CROT: variants seen among roughly 807,000 people sequenced by gnomAD.
CROT encodes carnitine O-octanoyltransferase, also known as peroxisomal carnitine O-octanoyltransferase.
In CROT, 84 loss-of-function variants were observed where a neutral mutation model predicts 89.2. The ratio of observed to expected loss-of-function variants is 0.94; its 90% CI spans 0.79 to 1.13. The LOEUF (loss-of-function observed/expected upper bound fraction) is 1.13. Among genes scored for constraint, CROT ranks in the 50% most tolerant of loss-of-function variants. The probability of loss-of-function intolerance (pLI) is 0.00; values close to 1 mark genes in which losing one functional copy is unlikely to be tolerated. For synonymous variants in CROT, 212 were observed against 239.5 expected, an observed-to-expected ratio of 0.89 and a Z score of 1.06; for missense variants, 711 against 727.8, an observed-to-expected ratio of 0.98 and a Z score of 0.27.
chr7:87,377,353 T>C lies in CROT; in HGVS notation c.881T>C (p.Ile294Thr). 1 of 1,591,294 alleles carries C rather than the reference T, an allele frequency of 6.3e-7. No homozygotes were observed. The highest frequency in any genetic ancestry group is 8.6e-7 in the Non-Finnish European group (1 of 1,165,228). ...HVTPEDYSEI[I>T]AAILIGDPTV... The stretch of plus-strand genomic sequence containing the variant: ...GAAAAATTAAATTTATTTTAGATTA[T>C]TGCAGCCATCCTTATTGGAGATCCA... Residue 294 changes from isoleucine (I) to threonine (T), a missense_variant, in exon 10 of 18, where the codon ATT (isoleucine) becomes ACT (threonine). Transcript: ENST00000331536.
At chr7:87,382,386 C>A in intron 12 of CROT, 27 bp from the exon 13 acceptor site, 2 of 1,602,044 alleles carry the variant, frequency 1.2e-6, no homozygotes, top group East Asian at 2.2e-5. Context: ...TGATTTTTCA[C>A]CGTTCTCATT....
Position 87,369,423 on chromosome 7 carries a change from C to G in CROT, c.595C>G (p.Arg199Gly), listed in dbSNP as rs764310325. 9.3e-6 allele frequency: 15 copies of G among 1,613,056 alleles called. No homozygotes were observed. Among genetic ancestry groups the G allele is most frequent in the Non-Finnish European group, 1.2e-5 (14 of 1,179,534 alleles). The change falls in exon 7 of 18, where the codon CGA (arginine) becomes GGA (glycine). Residue 199 changes from arginine (R) to glycine (G), a missense_variant. Physicochemically the swap from Arg to Gly is moderately radical, Grantham distance 125. Coordinates refer to ENST00000331536, the MANE Select transcript of CROT (RefSeq NM_021151.4). Reference sequence around the variant, plus strand: ...CCACATTGTAGTGCTGTGTCGAGGCCGAGCTTTTGTCTTTGATGTAATACA... The same window carrying G: ...CCACATTGTAGTGCTGTGTCGAGGCGGAGCTTTTGTCTTTGATGTAATACA... ...PNHIVVLCRG[R>G]AFVFDVIHEG...
intron 6 of CROT, among the ~76,000 whole-genome samples, chr7:87,364,738 T>G (rs565576032): frequency 3.3e-5 from 5 of 151,902 alleles, no homozygotes; most frequent in Admixed American, 2.0e-4. Flanking sequence ...GCCAAGAGGA[T>G]CAAGAGCAGA....
intron 7 of CROT, 128 bp from the exon 8 acceptor site, chr7:87,375,504 T>C: frequency 1.7e-6 from 1 of 603,080 alleles, no homozygotes; most frequent in Admixed American, 3.3e-5. Flanking sequence ...TCTATTGGCA[T>C]CATAAGTGGT....
At chr7:87,382,885 G>A (rs1408815552) in intron 13 of CROT, among the ~76,000 whole-genome samples, 1 of 152,138 alleles carries the variant, frequency 6.6e-6, no homozygotes, top group African/African-American at 2.4e-5. Flanking sequence ...AAATTATCCA[G>A]CCTTTACTCA....
chr7:87,374,724 T>C (rs1183009544), intron 7 of CROT, among the ~76,000 whole-genome samples: 1 of 152,050 alleles, frequency 6.6e-6, no homozygotes, highest in Non-Finnish European at 1.5e-5. Flanking sequence ...TATTTCTTTA[T>C]CAGTGTTACA....
chr7:87,393,663 G>A (rs914922358), intron 17 of CROT, among the ~76,000 whole-genome samples: 10 of 152,106 alleles, frequency 6.6e-5, no homozygotes, highest in Admixed American at 5.9e-4. Flanking sequence ...CTTTACAGGG[G>A]CTTTTCAAAG....
chr7:87,393,120 C>G, intron 17 of CROT, 53 bp downstream of exon 17: 1 of 1,567,604 alleles, frequency 6.4e-7, no homozygotes, highest in Non-Finnish European at 8.6e-7. Context: ...AAAGGTATTA[C>G]TTTTGTTTTT....
intron 10 of CROT, among the ~76,000 whole-genome samples, chr7:87,381,353 C>T (rs969826258): frequency 5.9e-5 from 9 of 152,120 alleles, no homozygotes; most frequent in South Asian, 2.1e-4. Context: ...GAAACAGCCC[C>T]GTAACACCCA....
intron 5 of CROT, 48 bp from the exon 6 acceptor site, chr7:87,361,679 GT>G: frequency 6.5e-7 from 1 of 1,539,794 alleles, no homozygotes; most frequent in East Asian, 2.3e-5. Context: ...GTTGTGGCTG[GT>G]TTTTAAATTT....
intron 10 of CROT, 140 bp from the exon 11 acceptor site, chr7:87,381,770 T>C: frequency 1.7e-6 from 1 of 573,602 alleles, no homozygotes; most frequent in Non-Finnish European, 3.0e-6. Flanking sequence ...TTCTATCTTA[T>C]CATATCCTCA....
At chr7:87,397,364 G>A (rs1405811988) in intron 17 of CROT, among the ~76,000 whole-genome samples, 3 of 137,960 alleles carry the variant, frequency 2.2e-5, no homozygotes, top group African/African-American at 2.7e-5. Context: ...AAAAAAAAAA[G>A]TATTTACTCA....
At position 87,399,701 on chromosome 7, in the gene CROT, G is replaced by A. The variant is rs188632032; in HGVS notation, c.*1057G>A. 1.3e-5 allele frequency: 2 copies of A among 152,032 alleles called. No homozygotes were observed. The highest frequency in any genetic ancestry group is 6.6e-5 in the Admixed American group (1 of 15,260). 9.4% of individuals were successfully genotyped at this position (152,032 alleles called of 1,614,324 possible). A position where few individuals can be genotyped will look rare whatever the true frequency, so the allele number is the denominator to read the frequency against. Reference sequence around the variant, plus strand: ...ACATTGTCAGAATTTTTTCCTCCTCGCTGTTCAATTTTGTAGTTTTTACTC... The same window carrying A: ...ACATTGTCAGAATTTTTTCCTCCTCACTGTTCAATTTTGTAGTTTTTACTC... On this transcript the variant is annotated 3_prime_UTR_variant, in exon 18 of 18. Coordinates refer to ENST00000331536, the MANE Select transcript of CROT (RefSeq NM_021151.4).
chr7:87,355,272 G>A (rs534554464), intron 3 of CROT, among the ~76,000 whole-genome samples: 33 of 151,894 alleles, frequency 2.2e-4, no homozygotes, highest in Non-Finnish European at 3.5e-4. Context: ...GCTAATTTTT[G>A]TATTTTTTGT....
At chr7:87,354,620 GA>G (rs906686845) in intron 3 of CROT, among the ~76,000 whole-genome samples, 9 of 150,228 alleles carry the variant, frequency 6.0e-5, no homozygotes, top group Non-Finnish European at 8.9e-5. Flanking sequence ...TAGAACTGGA[GA>G]AAAAAAAAGT....
At chr7:87,362,347 T>C (rs1187773386) in intron 6 of CROT, among the ~76,000 whole-genome samples, 1 of 151,096 alleles carries the variant, frequency 6.6e-6, no homozygotes, top group African/African-American at 2.4e-5. Context: ...TCTCACTCTG[T>C]TGCCCAGGTT....
intron 10 of CROT, 105 bp from the exon 11 acceptor site, chr7:87,381,805 A>G (rs1807015886): frequency 1.4e-6 from 1 of 713,440 alleles, no homozygotes; most frequent in Non-Finnish European, 2.3e-6. Flanking sequence ...TGAAGACTCT[A>G]TGCTTTATTA....
In CROT at chr7:87,369,547, A is replaced by G. The variant is rs16885805; in HGVS notation, c.656+63A>G. On this transcript the variant is annotated intron_variant, in intron 7 of 17. Coordinates refer to ENST00000331536, the MANE Select transcript of CROT (RefSeq NM_021151.4). ...TGGTGTTGCTTGAATTAAAATATAC[A>G]TGTTTAGAATTGCCTTTCAAGGTGA... is the stretch of plus-strand genomic sequence containing the variant. 6,223 of 1,004,076 alleles carry G rather than the reference A, an allele frequency of 6.2e-3. 250 individuals are homozygous for G. In the African/African-American group the frequency reaches 0.09, roughly 15 times the overall value. 62.2% of individuals were successfully genotyped at this position (1,004,076 alleles called of 1,614,324 possible).
intron 3 of CROT, chr7:87,357,443 C>T: frequency 6.5e-7 from 1 of 1,549,610 alleles, no homozygotes; most frequent in South Asian, 1.2e-5. Flanking sequence ...TCAGAGGTGG[C>T]CAATTAGTGC....
Sources: gnomAD v4.1 joint callset for allele counts (sites outside exome capture counted in the v4.1 genomes callset) on GRCh38, gnomAD v4.1.1 for gene constraint, MANE v1.5 for transcripts, NCBI Gene and HGNC (gene_info 2026-07-23, HGNC 2026-07-21) for gene names.